Variants in ADGRD1 observed in about 807,000 individuals in gnomAD.
ADGRD1 encodes adhesion G protein-coupled receptor D1, also known as G-protein coupled receptor 133.
In ADGRD1, 77 loss-of-function variants were observed where a neutral mutation model predicts 113.4. That is an observed-to-expected ratio of 0.68 (90% CI 0.57 to 0.82). The LOEUF (loss-of-function observed/expected upper bound fraction) is 0.82. ADGRD1 is among the 40% of genes least tolerant of loss of function. The probability of loss-of-function intolerance (pLI) is 0.00; values close to 1 mark genes in which losing one functional copy is unlikely to be tolerated. For synonymous variants in ADGRD1, 474 were observed against 475.0 expected, an observed-to-expected ratio of 1.00 and a Z score of 0.03; for missense variants, 1,036 against 1,139.1, an observed-to-expected ratio of 0.91 and a Z score of 1.30.
rs1950288004 is a variant in ADGRD1, at chr12:131,108,774, C to T, written c.1938C>T (p.Ala646=). 1.2e-6 allele frequency: 2 copies of T among 1,613,996 alleles called. No homozygotes were observed. The highest frequency in any genetic ancestry group is 1.7e-6 in the Non-Finnish European group (2 of 1,180,026). ...TCCTACACTACTTCTTCCTGAGTGC[C>T]TTCGCATGGATGCTGGTGGAGGGGC... ...AVLLHYFFLS[A]FAWMLVEGLH... Residue 646 remains alanine, a synonymous_variant, in exon 18 of 25, where the codon GCC becomes GCT. Coordinates refer to ENST00000261654, the MANE Select transcript of ADGRD1 (RefSeq NM_198827.5).
intron 3 of ADGRD1, chr12:130,970,379 T>C (rs1309691659): frequency 1.3e-5 from 2 of 152,360 alleles, no homozygotes; most frequent in Non-Finnish European, 2.9e-5. Flanking sequence ...TAGTGATCCA[T>C]TTAACCTTGC....
intron 8 of ADGRD1, among the ~76,000 whole-genome samples, chr12:130,993,569 G>A (rs1264995821): frequency 2.0e-5 from 3 of 152,030 alleles, no homozygotes; most frequent in Non-Finnish European, 4.4e-5. Context: ...TGGAGTCACA[G>A]AGACCTGGCT....
chr12:130,957,848 G>T (rs1053246625), intron 2 of ADGRD1: 7 of 152,284 alleles, frequency 4.6e-5, no homozygotes, highest in African/African-American at 1.4e-4. Context: ...AAACCGCAAG[G>T]TTTCTCTCTC....
Position 130,965,008 on chromosome 12 carries a change from T to C in ADGRD1, c.104-1455T>C, listed in dbSNP as rs540704971. 6.6e-6 allele frequency among the ~76,000 whole-genome samples: 1 copy of C among 152,366 alleles called. No individual in the cohort carries two copies. Among genetic ancestry groups the C allele is most frequent in the African/African-American group, 2.4e-5 (1 of 41,592 alleles). ...ATAGATTAAAGTATAGTTTACGACA[T>C]TGAGTCGGCTTTTCCAAGAATAGGT... On this transcript the variant is annotated intron_variant, in intron 2 of 24. Coordinates refer to ENST00000261654, the MANE Select transcript of ADGRD1 (RefSeq NM_198827.5). The surrounding 1 kb of genome is among the most constrained non-coding windows in gnomAD (Gnocchi z 4.8).
At chr12:131,012,937 G>A (rs1353891119) in intron 12 of ADGRD1, among the ~76,000 whole-genome samples, 3 of 152,190 alleles carry the variant, frequency 2.0e-5, no homozygotes, top group Admixed American at 6.5e-5. Flanking sequence ...GCATCTTTGT[G>A]TAGTCACCCC....
chr12:130,997,272 C>T (rs1455588538), intron 8 of ADGRD1, among the ~76,000 whole-genome samples: 2 of 149,780 alleles, frequency 1.3e-5, no homozygotes, highest in African/African-American at 4.9e-5. Flanking sequence ...GCGCCCGTCA[C>T]CTCCCGGACG....
At chr12:131,034,865 G>A (rs1273888374) in intron 13 of ADGRD1, among the ~76,000 whole-genome samples, 1 of 152,132 alleles carries the variant, frequency 6.6e-6, no homozygotes, top group Admixed American at 6.5e-5. Context: ...TGAACACAGG[G>A]CCGCTCTTGC....
intron 10 of ADGRD1, 29 bp from the exon 11 acceptor site, chr12:131,004,157 C>T (rs1566020258): frequency 1.4e-6 from 2 of 1,427,936 alleles, no homozygotes; most frequent in East Asian, 2.3e-5. Context: ...TCTGACGGGA[C>T]TTCCGCTCTC....
At position 130,954,646 on chromosome 12, in the gene ADGRD1, C is replaced by T. The variant is rs754876417; in HGVS notation, c.89C>T (p.Ser30Leu). 6.2e-6 allele frequency: 10 copies of T among 1,613,282 alleles called. No homozygotes were observed. In the South Asian group the frequency reaches 8.8e-5, roughly 14 times the overall value. The part of the protein sequence containing the change: ...NFQVRGVYSR[S>L]QDHPGFQVLA... ...CAGGTGCGTGGCGTCTACTCCAGAT[C>T]GCAGGACCATCCAGGTAAGAGTGTT... Residue 30 changes from serine to leucine, a missense_variant, in exon 2 of 25, where the codon TCG becomes TTG. Ser to Leu is a moderately radical substitution (Grantham distance 145). Transcript: ENST00000261654. The surrounding 1 kb of genome is among the most constrained non-coding windows in gnomAD (Gnocchi z 4.7).
chr12:131,076,928 C>A, intron 14 of ADGRD1, 54 bp downstream of exon 14: 1 of 1,397,440 alleles, frequency 7.2e-7, no homozygotes, highest in Non-Finnish European at 1.0e-6. Context: ...AGCCCAGGCC[C>A]GCCCCATGCC....
chr12:131,096,970 C>A lies in ADGRD1; in HGVS notation c.1672-7861C>A, dbSNP rs143794545. Among the ~76,000 whole-genome samples the A allele has an allele frequency of 6.6e-6, 1 of 152,178 alleles. No homozygotes were observed. The highest frequency in any genetic ancestry group is 1.9e-4 in the East Asian group (1 of 5,186). ...CAGCAGCTCTTCTCTCGCCCCTACA[C>A]GTGGCTTTTTGGGCAGTGGCCACGC... On this transcript the variant is annotated intron_variant, in intron 15 of 24. Coordinates refer to ENST00000261654, the MANE Select transcript of ADGRD1 (RefSeq NM_198827.5). The surrounding 1 kb of genome is among the most constrained non-coding windows in gnomAD (Gnocchi z 5.2).
At chr12:130,979,413 T>C (rs1397727433) in intron 4 of ADGRD1, among the ~76,000 whole-genome samples, 3 of 152,236 alleles carry the variant, frequency 2.0e-5, no homozygotes. Context: ...TGTCTTGATA[T>C]ATTGTCACAA....
At chr12:131,119,624 A>G (rs888487786) in intron 19 of ADGRD1, among the ~76,000 whole-genome samples, 8 of 152,352 alleles carry the variant, frequency 5.3e-5, no homozygotes, top group African/African-American at 1.7e-4. Flanking sequence ...AGGATAGAGT[A>G]TCTACCAGAA....
At chr12:130,999,898 G>T (rs551254800) in intron 8 of ADGRD1, among the ~76,000 whole-genome samples, 1 of 152,320 alleles carries the variant, frequency 6.6e-6, no homozygotes, top group East Asian at 1.9e-4. Context: ...ATAGTGAGCC[G>T]AACCAAACAT....
At chr12:130,987,546 G>C in intron 6 of ADGRD1, 197 bp downstream of exon 6, 1 of 607,410 alleles carries the variant, frequency 1.6e-6, no homozygotes, top group Admixed American at 2.9e-5. Context: ...ATTTACTAGA[G>C]ATGCTTTGAG....
rs368837378 is a variant in ADGRD1, at chr12:130,971,442, C to T, written c.188-16C>T. On this transcript the variant is annotated splice_polypyrimidine_tract_variant and intron_variant, in intron 3 of 24. Transcript: ENST00000261654. The surrounding 1 kb of genome is among the most constrained non-coding windows in gnomAD (Gnocchi z 4.2). ...GAAGGTTATTAACATATGATGTTGT[C>T]ATTTTTCTTCCTTAGATATTGTGGA... 1.9e-6 allele frequency: 3 copies of T among 1,610,464 alleles called. No individual in the cohort carries two copies. The highest frequency in any genetic ancestry group is 2.7e-5 in the African/African-American group (2 of 74,802).
In ADGRD1 at chr12:131,041,706, A is replaced by G. The variant is rs193199129; in HGVS notation, c.1473+27366A>G. Among the ~76,000 whole-genome samples the G allele has an allele frequency of 0.011, 1,742 of 152,316 alleles. 36 individuals are homozygous for G. Among genetic ancestry groups the G allele is most frequent in the African/African-American group, 0.039 (1,610 of 41,558 alleles). Reference sequence around the variant, plus strand: ...AGAGTGGACATGTCATGCATGAATCAGGGAGCAGTTCCCGGGGAACACACT... The same window carrying G: ...AGAGTGGACATGTCATGCATGAATCGGGGAGCAGTTCCCGGGGAACACACT... On this transcript the variant is annotated intron_variant, in intron 13 of 24. Coordinates refer to ENST00000261654, the MANE Select transcript of ADGRD1 (RefSeq NM_198827.5). The surrounding 1 kb of genome is among the most constrained non-coding windows in gnomAD (Gnocchi z 4.4).
At chr12:131,049,764 T>G (rs565515079) in intron 13 of ADGRD1, among the ~76,000 whole-genome samples, 1 of 152,200 alleles carries the variant, frequency 6.6e-6, no homozygotes, top group South Asian at 2.1e-4. Context: ...GGGGCTGCCT[T>G]TAGGAATGGC....
At chr12:130,976,199 A>G (rs1296887580) in intron 4 of ADGRD1, among the ~76,000 whole-genome samples, 1 of 140,484 alleles carries the variant, frequency 7.1e-6, no homozygotes, top group African/African-American at 2.5e-5. Flanking sequence ...GGCCTGGGGG[A>G]CACGGGCCTG....
Sources: gnomAD v4.1 joint callset for allele counts (sites outside exome capture counted in the v4.1 genomes callset) on GRCh38, gnomAD v4.1.1 for gene constraint, Gnocchi (gnomAD v3.1) non-coding constraint, MANE v1.5 for transcripts, NCBI Gene and HGNC (gene_info 2026-07-23, HGNC 2026-07-21) for gene names.